Variants in SLC35F4 observed in about 807,000 individuals in gnomAD.
SLC35F4 encodes the protein solute carrier family 35 member F4.
A neutral mutation model predicts 44.2 loss-of-function variants in SLC35F4; 24 were observed. The ratio of observed to expected loss-of-function variants is 0.54; its 90% CI spans 0.39 to 0.76. SLC35F4 has a LOEUF of 0.76. Ranked by LOEUF, SLC35F4 falls within the 30% of genes least tolerant of loss-of-function variation. The pLI is 0.00. For synonymous variants in SLC35F4, 238 were observed against 223.6 expected (o/e 1.06, Z -0.57); for missense variants, 562 against 586.1 (o/e 0.96, Z 0.42).
chr14:57,788,220 AT>A (rs2077817429), intron 1 of SLC35F4, among the ~76,000 whole-genome samples: 1 of 152,186 alleles, frequency 6.6e-6, no homozygotes, highest in Admixed American at 6.5e-5. Context: ...AAATGCCACA[AT>A]CCTAAACATA....
At position 57,930,549 on chromosome 14, in the gene SLC35F4, G is replaced by A. The variant is rs375483227; in HGVS notation, n.282+51364C>T. ...TGTCTCTCTCCCGCTCTAAGGTGCC[G>A]TAAGAGGGTAGCCAGCTTATTGGGA... On this transcript the variant is annotated intron_variant and non_coding_transcript_variant, in intron 1 of 1. Coordinates refer to the SLC35F4 transcript ENST00000556568. 1.1e-4 allele frequency among the ~76,000 whole-genome samples: 17 copies of A among 152,246 alleles called. 1 individual carries two copies. In the South Asian group the frequency reaches 1.9e-3, roughly 17 times the overall value.
At chr14:57,701,905 A>G (rs1436785179) in intron 1 of SLC35F4, among the ~76,000 whole-genome samples, 1 of 152,202 alleles carries the variant, frequency 6.6e-6, no homozygotes, top group Non-Finnish European at 1.5e-5. Flanking sequence ...TGAAACTGTG[A>G]AAATAGAAAT....
intron 1 of SLC35F4, among the ~76,000 whole-genome samples, chr14:57,877,248 G>T (rs1461879364): frequency 6.6e-6 from 1 of 152,124 alleles, no homozygotes; most frequent in Admixed American, 6.6e-5. Context: ...TTGTAAGTAA[G>T]AACATGCAGC....
chr14:57,882,248 A>G (rs1179639488), intron 1 of SLC35F4, among the ~76,000 whole-genome samples: 1 of 152,058 alleles, frequency 6.6e-6, no homozygotes, highest in Non-Finnish European at 1.5e-5. Context: ...CTGTGCCCCT[A>G]CTTTGGTGTA....
intron 1 of SLC35F4, among the ~76,000 whole-genome samples, chr14:57,756,761 C>G (rs1459576129): frequency 6.6e-6 from 1 of 151,952 alleles, no homozygotes; most frequent in Non-Finnish European, 1.5e-5. Flanking sequence ...CTCAAGCAAC[C>G]CTCCCATCTT....
At chr14:57,922,800 T>C (rs1287595714) in intron 1 of SLC35F4, among the ~76,000 whole-genome samples, 1 of 152,216 alleles carries the variant, frequency 6.6e-6, no homozygotes, top group Non-Finnish European at 1.5e-5. Flanking sequence ...ATTTGTAAAA[T>C]GTGGCATTAG....
chr14:57,834,994 A>T (rs887932022), intron 1 of SLC35F4, among the ~76,000 whole-genome samples: 5 of 152,218 alleles, frequency 3.3e-5, no homozygotes, highest in African/African-American at 1.2e-4. Context: ...GCACCACTGC[A>T]CTCCAGCCTG....
At chr14:57,767,513 A>T (rs2077262890) in intron 1 of SLC35F4, among the ~76,000 whole-genome samples, 1 of 152,166 alleles carries the variant, frequency 6.6e-6, no homozygotes, top group African/African-American at 2.4e-5. Flanking sequence ...AAAATACAAC[A>T]TATCAATATA....
intron 1 of SLC35F4, among the ~76,000 whole-genome samples, chr14:57,616,426 G>T (rs191200736): frequency 2.6e-5 from 4 of 152,310 alleles, no homozygotes; most frequent in Non-Finnish European, 5.9e-5. Context: ...TACAATCAAA[G>T]TTGTGAATGT....
chr14:57,633,721 G>C (rs908049312), intron 1 of SLC35F4, among the ~76,000 whole-genome samples: 1 of 151,908 alleles, frequency 6.6e-6, no homozygotes, highest in African/African-American at 2.4e-5. Flanking sequence ...GCAACTACCT[G>C]TCTATTCTCC....
chr14:57,838,067 A>T (rs376633983), intron 1 of SLC35F4, among the ~76,000 whole-genome samples: 29 of 152,334 alleles, frequency 1.9e-4, no homozygotes, highest in African/African-American at 6.0e-4. Flanking sequence ...AATGCCGGTG[A>T]TACTAAGATG....
chr14:57,599,997 C>T (rs574914487), intron 1 of SLC35F4, among the ~76,000 whole-genome samples: 3 of 152,194 alleles, frequency 2.0e-5, no homozygotes, highest in Non-Finnish European at 4.4e-5. Flanking sequence ...TCTTTCTTTA[C>T]AGGTTCAGAC....
intron 1 of SLC35F4, among the ~76,000 whole-genome samples, chr14:57,748,458 C>T (rs912927941): frequency 2.0e-5 from 3 of 152,020 alleles, no homozygotes; most frequent in Middle Eastern, 3.2e-3. Flanking sequence ...TCAGGAACCA[C>T]CTGCATCAGA....
chr14:57,977,810 G>A (rs1881262366), intron 1 of SLC35F4, among the ~76,000 whole-genome samples: 1 of 152,110 alleles, frequency 6.6e-6, no homozygotes, highest in Non-Finnish European at 1.5e-5. Flanking sequence ...TAAACCCCCA[G>A]GCAGGAGTGG....
rs546791203 is a variant in SLC35F4 at position 57,761,888 on chromosome 14, T to C, written c.103+103835A>G. ...GTAAGCAACAGAAACCTTCTCATGT[T>C]ACTTAAAAAAAAAGATGGAATTTGT... is the stretch of plus-strand genomic sequence containing the variant. On this transcript the variant is annotated intron_variant, in intron 1 of 7. Coordinates refer to ENST00000556826, the MANE Select transcript of SLC35F4 (RefSeq NM_001306087.2). Among the ~76,000 whole-genome samples the C allele has an allele frequency of 2.6e-5, 4 of 152,228 alleles. No individual in the cohort carries two copies. The South Asian group carries it at 8.3e-4, about 32-fold the overall frequency.
At chr14:57,566,333 C>T in intron 7 of SLC35F4, 142 bp downstream of exon 7, 2 of 684,248 alleles carry the variant, frequency 2.9e-6, no homozygotes, top group Non-Finnish European at 4.7e-6. Flanking sequence ...TGTTGTCTGC[C>T]ACCTTCATGA....
chr14:57,937,600 GAAAA>G (rs1566505623), intron 1 of SLC35F4, among the ~76,000 whole-genome samples: 3,882 of 70,026 alleles, frequency 0.055, 97 homozygotes, highest in East Asian at 0.1. Context: ...GAAAAGAAAA[GAAAA>G]GAAAAGAAAA....
At chr14:57,584,146 T>C (rs1181356404) in intron 3 of SLC35F4, among the ~76,000 whole-genome samples, 1 of 152,178 alleles carries the variant, frequency 6.6e-6, no homozygotes, top group Non-Finnish European at 1.5e-5. Context: ...AAAACGTCCT[T>C]GTTAATAATA....
downstream of SLC35F4, among the ~76,000 whole-genome samples, chr14:57,975,791 G>A (rs946234852): frequency 6.6e-6 from 1 of 152,222 alleles, no homozygotes; most frequent in Non-Finnish European, 1.5e-5. Flanking sequence ...TGAGAAAAAG[G>A]TGCCATTGAG....
Sources: gnomAD v4.1 joint callset for allele counts (sites outside exome capture counted in the v4.1 genomes callset) on GRCh38, gnomAD v4.1.1 for gene constraint, MANE v1.5 for transcripts, NCBI Gene and HGNC (gene_info 2026-07-23, HGNC 2026-07-21) for gene names.